The following SDCBP variants were observed in gnomAD, a reference collection of about 807,000 sequenced individuals.
SDCBP encodes syntenin-1.
A neutral mutation model predicts 30.5 loss-of-function variants in SDCBP; 22 were observed. The ratio of observed to expected loss-of-function variants is 0.72; its 90% CI spans 0.52 to 1.03. The LOEUF is 1.03. SDCBP is among the 50% of genes least tolerant of loss of function. The pLI, the probability that SDCBP is intolerant of heterozygous loss-of-function variation, is 0.00. For synonymous variants in SDCBP, 103 were observed against 118.7 expected, an observed-to-expected ratio of 0.87 and a Z score of 0.86; for missense variants, 304 against 369.9, an observed-to-expected ratio of 0.82 and a Z score of 1.46.
chr8:58,553,962 G>C (rs1317051022), intron 1 of SDCBP, among the ~76,000 whole-genome samples: 1 of 152,152 alleles, frequency 6.6e-6, no homozygotes, highest in Non-Finnish European at 1.5e-5. Flanking sequence ...CCTGAGATCT[G>C]ACCCCTGAGA....
intron 4 of SDCBP, among the ~76,000 whole-genome samples, chr8:58,574,106 T>C (rs1319808742): frequency 6.6e-6 from 1 of 152,196 alleles, no homozygotes; most frequent in Non-Finnish European, 1.5e-5. Context: ...AATGAAGCCA[T>C]GTACCCTTCA....
At chr8:58,573,981 T>C (rs1351027954) in intron 4 of SDCBP, among the ~76,000 whole-genome samples, 1 of 152,218 alleles carries the variant, frequency 6.6e-6, no homozygotes, top group African/African-American at 2.4e-5. Context: ...GGCTCCATAA[T>C]AAATACCTTA....
At chr8:58,574,601 C>T (rs541141248) in intron 4 of SDCBP, among the ~76,000 whole-genome samples, 7 of 152,216 alleles carry the variant, frequency 4.6e-5, no homozygotes, top group Admixed American at 3.3e-4. Context: ...TAATTTGTTG[C>T]TGGAGATTTC....
At chr8:58,579,818 G>A (rs1805581810) in intron 7 of SDCBP, 24 bp downstream of exon 7, 1 of 1,548,006 alleles carries the variant, frequency 6.5e-7, no homozygotes, top group African/African-American at 1.4e-5. Flanking sequence ...TTTGTGCCAT[G>A]TTCTGCTGCA....
At chr8:58,558,266 G>C (rs1287142250) in intron 1 of SDCBP, among the ~76,000 whole-genome samples, 1 of 151,992 alleles carries the variant, frequency 6.6e-6, no homozygotes, top group Non-Finnish European at 1.5e-5. Context: ...CTAACATTTG[G>C]TATCTTCTTT....
At chr8:58,563,105 A>G (rs1205698022) in intron 1 of SDCBP, among the ~76,000 whole-genome samples, 1 of 152,226 alleles carries the variant, frequency 6.6e-6, no homozygotes, top group African/African-American at 2.4e-5. Context: ...ATAAACTTAC[A>G]TATTATTTGC....
At chr8:58,576,921 C>G (rs1038536827) in intron 5 of SDCBP, among the ~76,000 whole-genome samples, 1 of 152,174 alleles carries the variant, frequency 6.6e-6, no homozygotes, top group Non-Finnish European at 1.5e-5. Context: ...GCCTGCCCAC[C>G]CAGGGGGCTG....
intron 4 of SDCBP, among the ~76,000 whole-genome samples, chr8:58,574,662 C>T (rs1389414547): frequency 6.6e-6 from 1 of 152,084 alleles, no homozygotes; most frequent in Non-Finnish European, 1.5e-5. Context: ...TTTTATTCTT[C>T]TTCTCTTGAT....
At chr8:58,569,252 C>T (rs1804885803) in intron 2 of SDCBP, among the ~76,000 whole-genome samples, 1 of 152,190 alleles carries the variant, frequency 6.6e-6, no homozygotes, top group African/African-American at 2.4e-5. Context: ...CCATGTTGGC[C>T]ATGACAAACA....
chr8:58,571,135 C>CTAAT (rs1038334754), intron 3 of SDCBP, among the ~76,000 whole-genome samples, 170 bp downstream of exon 3: 3 of 151,944 alleles, frequency 2.0e-5, no homozygotes, highest in African/African-American at 7.2e-5. Flanking sequence ...AACCCTTTTT[C>CTAAT]TAATTAAGAT....
At chr8:58,574,879 C>CT in intron 4 of SDCBP, among the ~76,000 whole-genome samples, 1 of 152,270 alleles carries the variant, frequency 6.6e-6, no homozygotes, top group Admixed American at 6.5e-5. Context: ...GGTGAGAACA[C>CT]TTAAGATGTA....
intron 1 of SDCBP, among the ~76,000 whole-genome samples, chr8:58,562,365 T>C (rs1270872600): frequency 6.6e-6 from 1 of 152,130 alleles, no homozygotes; most frequent in Admixed American, 6.6e-5. Context: ...TGATACTGAA[T>C]TGATAGGGAT....
chr8:58,574,288 C>T (rs1444216017), intron 4 of SDCBP, among the ~76,000 whole-genome samples: 1 of 152,080 alleles, frequency 6.6e-6, no homozygotes. Flanking sequence ...GTAAAGTTAA[C>T]CACTACCAAC....
intron 1 of SDCBP, among the ~76,000 whole-genome samples, chr8:58,564,137 G>C (rs1409104324): frequency 6.6e-6 from 1 of 152,170 alleles, no homozygotes; most frequent in African/African-American, 2.4e-5. Context: ...GCTGGTAACA[G>C]AGCAATGTTG....
rs1325306580 is a variant in SDCBP, at chr8:58,582,152, A to T, written c.*412A>T. The stretch of plus-strand genomic sequence containing the variant: ...ATACTTGCATCTTTAACATGCTATC[A>T]TAGTACATTTAGAATGATTGCCTTT... On this transcript the variant is annotated 3_prime_UTR_variant, in exon 9 of 9. Coordinates refer to ENST00000260130, the MANE Select transcript of SDCBP (RefSeq NM_005625.4). 1 of 161,678 alleles carries T rather than the reference A, an allele frequency of 6.2e-6. No homozygotes were observed. The highest frequency in any genetic ancestry group is 2.4e-5 in the African/African-American group (1 of 41,572). The allele number at this position is 161,678 out of a possible 1,614,324, so 10.0% of individuals were successfully genotyped here. A position where few individuals can be genotyped will look rare whatever the true frequency, so the allele number is the denominator to read the frequency against.
At chr8:58,570,671 G>T in intron 2 of SDCBP, 1 of 439,370 alleles carries the variant, frequency 2.3e-6, no homozygotes, top group African/African-American at 2.0e-5. Context: ...CAATTTTTTT[G>T]TGATAGCCTT....
intron 7 of SDCBP, 58 bp downstream of exon 7, chr8:58,579,852 G>T (rs1044347685): frequency 2.6e-5 from 39 of 1,502,544 alleles, no homozygotes; most frequent in Non-Finnish European, 3.5e-5. Flanking sequence ...TCTGTCTTTT[G>T]ACTGTATTTA....
At chr8:58,581,118 G>A (rs1175001811) in intron 8 of SDCBP, among the ~76,000 whole-genome samples, 1 of 152,044 alleles carries the variant, frequency 6.6e-6, no homozygotes, top group Non-Finnish European at 1.5e-5. Context: ...AGGCAACAAG[G>A]TTCCTTCTAT....
intron 1 of SDCBP, among the ~76,000 whole-genome samples, chr8:58,556,126 A>G (rs1381918652): frequency 6.6e-6 from 1 of 152,208 alleles, no homozygotes; most frequent in Non-Finnish European, 1.5e-5. Context: ...CTAAATTTTT[A>G]TTATCCCAAG....
Sources: gnomAD v4.1 joint callset for allele counts (sites outside exome capture counted in the v4.1 genomes callset) on GRCh38, gnomAD v4.1.1 for gene constraint, MANE v1.5 for transcripts, NCBI Gene and HGNC (gene_info 2026-07-23, HGNC 2026-07-21) for gene names.